LAMA2: variants seen among roughly 807,000 people sequenced by gnomAD.
The protein encoded by LAMA2 is laminin subunit alpha 2.
A neutral mutation model predicts 364.8 loss-of-function variants in LAMA2; 269 were observed. That is an observed-to-expected ratio of 0.74 (90% CI 0.67 to 0.82). LAMA2 has a LOEUF of 0.82. Among genes scored for constraint, LAMA2 ranks in the 40% least tolerant of loss-of-function variants. The pLI is 0.00. For missense variants in LAMA2, 3,807 were observed against 3,873.2 expected (o/e 0.98, Z 0.45); for synonymous variants, 1,379 against 1,370.6 (o/e 1.01, Z -0.14).
Position 129,478,802 on chromosome 6 carries a change from T to A in LAMA2, c.7561T>A (p.Cys2521Ser). The A allele has an allele frequency of 6.2e-7, 1 of 1,613,360 alleles. No homozygotes were observed. Among genetic ancestry groups the A allele is most frequent in the Non-Finnish European group, 8.5e-7 (1 of 1,179,332 alleles). The change falls in exon 54 of 65, where the codon TGT becomes AGT. Residue 2521 changes from cysteine (C) to serine (S), a missense_variant. Cys to Ser is a moderately radical substitution (Grantham distance 112). Coordinates refer to ENST00000421865, the MANE Select transcript of LAMA2 (RefSeq NM_000426.4). ...SPDYVGVTKG[C>S]SLENVYTVSF... ...CGATTATGTTGGTGTTACCAAAGGA[T>A]GTTCCCTGGAGGTTGGTCTGTTTTT...
intron 1 of LAMA2, among the ~76,000 whole-genome samples, chr6:128,946,415 A>C (rs1382087338): frequency 6.6e-6 from 1 of 152,206 alleles, no homozygotes; most frequent in Non-Finnish European, 1.5e-5. Flanking sequence ...CATGTGGTGG[A>C]CTGGGATCCT....
At chr6:129,451,223 C>G (rs146975432) in intron 45 of LAMA2, among the ~76,000 whole-genome samples, 6 of 152,302 alleles carry the variant, frequency 3.9e-5, no homozygotes, top group Non-Finnish European at 2.9e-5. Context: ...AATTCATTTT[C>G]ACTCACCTAC....
intron 32 of LAMA2, 21 bp from the exon 33 acceptor site, chr6:129,366,198 T>G: frequency 6.2e-7 from 1 of 1,613,436 alleles, no homozygotes; most frequent in Non-Finnish European, 8.5e-7. Flanking sequence ...GTAACTACTC[T>G]TTGTCACTTC....
chr6:129,245,259 C>A (rs1176461677), intron 12 of LAMA2, among the ~76,000 whole-genome samples: 2 of 152,096 alleles, frequency 1.3e-5, no homozygotes, highest in Non-Finnish European at 2.9e-5. Flanking sequence ...TAATTTTCAT[C>A]CCTAGTAAAT....
chr6:129,005,098 A>G (rs1239307623), intron 1 of LAMA2, among the ~76,000 whole-genome samples: 1 of 152,146 alleles, frequency 6.6e-6, no homozygotes, highest in African/African-American at 2.4e-5. Context: ...TTTAAATAAA[A>G]AGTCCTATAG....
chr6:129,070,232 C>T (rs921492430), intron 3 of LAMA2, among the ~76,000 whole-genome samples: 1 of 150,030 alleles, frequency 6.7e-6, no homozygotes, highest in Admixed American at 6.6e-5. Flanking sequence ...GTGTTATAGG[C>T]AAAGAGCATA....
intron 47 of LAMA2, among the ~76,000 whole-genome samples, chr6:129,454,730 C>T (rs1469640858): frequency 6.6e-6 from 1 of 152,110 alleles, no homozygotes; most frequent in Non-Finnish European, 1.5e-5. Context: ...TGTAACATAC[C>T]AGGTCCACCC....
intron 35 of LAMA2, among the ~76,000 whole-genome samples, chr6:129,384,730 C>A (rs9483028): frequency 0.018 from 2,760 of 152,120 alleles, 78 homozygotes; most frequent in African/African-American, 0.064. Context: ...CCAAATCCCA[C>A]GTCTATACAC....
chr6:129,479,544 A>AAAT (rs1477381911), intron 54 of LAMA2: 1 of 152,240 alleles, frequency 6.6e-6, no homozygotes, highest in Admixed American at 6.5e-5. Flanking sequence ...AGTCAACAGC[A>AAAT]AATATTAGCA....
chr6:129,332,887 T>G (rs1309734358), intron 29 of LAMA2, among the ~76,000 whole-genome samples: 2 of 6,706 alleles, frequency 3.0e-4, no homozygotes, highest in Admixed American at 5.7e-3. Context: ...TTTACCATTT[T>G]TTTTTTTTTT....
chr6:128,914,403 A>G (rs1204847820), intron 1 of LAMA2, among the ~76,000 whole-genome samples: 1 of 152,212 alleles, frequency 6.6e-6, no homozygotes, highest in Non-Finnish European at 1.5e-5. Flanking sequence ...AACAAAATGT[A>G]AAGTGAGCAA....
In LAMA2 at chr6:129,427,139, A is replaced by G. The variant is rs1052298120; in HGVS notation, c.5866-613A>G. ...TTTTAATCTGAGTCTAAACAAATAT[A>G]TCTTTGCTTGGAGATAATTGTGGCT... On this transcript the variant is annotated intron_variant, in intron 40 of 64. Transcript: ENST00000421865. Among the ~76,000 whole-genome samples, 4 of 152,148 alleles carry G rather than the reference A, an allele frequency of 2.6e-5. No individual in the cohort carries two copies. The South Asian group carries it at 6.2e-4, about 24-fold the overall frequency.
At chr6:129,351,703 C>T (rs1216446853) in intron 31 of LAMA2, among the ~76,000 whole-genome samples, 1 of 152,118 alleles carries the variant, frequency 6.6e-6, no homozygotes, top group Admixed American at 6.5e-5. Flanking sequence ...TCTCCTCATA[C>T]TTTATTTTCA....
At chr6:129,122,878 AG>A (rs1776878685) in intron 4 of LAMA2, among the ~76,000 whole-genome samples, 1 of 152,236 alleles carries the variant, frequency 6.6e-6, no homozygotes, top group Admixed American at 6.5e-5. Context: ...AAAAAGGACG[AG>A]GCAATACCTT....
At chr6:128,961,150 A>G (rs1781464184) in intron 1 of LAMA2, among the ~76,000 whole-genome samples, 1 of 151,136 alleles carries the variant, frequency 6.6e-6, no homozygotes, top group Non-Finnish European at 1.5e-5. Context: ...AGTATGAGCT[A>G]AGGATGAGAA....
At chr6:129,307,939 A>G (rs1773981755) in intron 22 of LAMA2, among the ~76,000 whole-genome samples, 1 of 152,242 alleles carries the variant, frequency 6.6e-6, no homozygotes, top group Admixed American at 6.5e-5. Flanking sequence ...GCAGTACCCT[A>G]TAGAGATGTA....
intron 12 of LAMA2, among the ~76,000 whole-genome samples, chr6:129,236,060 T>C (rs950926777): frequency 6.6e-6 from 1 of 152,210 alleles, no homozygotes; most frequent in Non-Finnish European, 1.5e-5. Flanking sequence ...TTTATTATCA[T>C]TTAAGTCAGG....
chr6:129,115,661 A>G (rs960095306), intron 4 of LAMA2, among the ~76,000 whole-genome samples: 1 of 152,036 alleles, frequency 6.6e-6, no homozygotes, highest in Non-Finnish European at 1.5e-5. Context: ...GTACAGAAGG[A>G]GGACTTTAGT....
At chr6:128,917,853 C>T (rs1778442705) in intron 1 of LAMA2, among the ~76,000 whole-genome samples, 2 of 151,252 alleles carry the variant, frequency 1.3e-5, no homozygotes, top group South Asian at 4.2e-4. Flanking sequence ...CCCACTTCAG[C>T]CTCTTCACTA....
Sources: allele counts gnomAD v4.1 joint callset (sites outside exome capture counted in the v4.1 genomes callset), GRCh38; gene constraint gnomAD v4.1.1; transcripts MANE v1.5; gene names NCBI Gene and HGNC (gene_info 2026-07-23, HGNC 2026-07-21).